AMMECR1: variants seen among roughly 807,000 people sequenced by gnomAD.
AMMECR1 encodes the protein nuclear protein AMMECR1.
In AMMECR1, 3 loss-of-function variants were observed where a neutral mutation model predicts 22.5. The ratio of observed to expected loss-of-function variants is 0.13; its 90% CI spans 0.06 to 0.35. The LOEUF (loss-of-function observed/expected upper bound fraction) is 0.35, where lower values mean the gene tolerates loss of function less well. Among genes scored for constraint, AMMECR1 ranks in the 10% least tolerant of loss-of-function variants. The pLI is 1.00. For synonymous variants in AMMECR1, 130 were observed against 116.7 expected (o/e 1.11, Z -0.74); for missense variants, 235 against 278.7 (o/e 0.84, Z 1.12).
At position 110,438,362 on chromosome X, in the gene AMMECR1, A is replaced by T. The variant is rs1047453561; in HGVS notation, c.-294+1528T>A. Among the ~76,000 whole-genome samples, 4 of 111,893 alleles carry T rather than the reference A, an allele frequency of 3.6e-5. No individual in the cohort carries two copies. The Admixed American group carries it at 3.8e-4, about 11-fold the overall frequency. On this transcript the variant is annotated intron_variant, in intron 1 of 7. Coordinates refer to the AMMECR1 transcript ENST00000372057. ...ACATTCTTAATGCTCCTGGAATGCC[A>T]CAAGGTGGACATAAAATTCAGGCTT... is the stretch of plus-strand genomic sequence containing the variant.
At chrX:110,376,668 A>T (rs752400272) in intron 2 of AMMECR1, among the ~76,000 whole-genome samples, 4 of 112,455 alleles carry the variant, frequency 3.6e-5, no homozygotes, top group Non-Finnish European at 5.6e-5. Context: ...TAATGAAAAG[A>T]ATTAGACAGA....
At chrX:110,261,914 A>T (rs899944313) in intron 2 of AMMECR1, among the ~76,000 whole-genome samples, 2 of 111,095 alleles carry the variant, frequency 1.8e-5, no homozygotes, top group Non-Finnish European at 3.8e-5. Flanking sequence ...GAGTGGGTAA[A>T]TTATTTAAAT....
chrX:110,407,828 C>T (rs1029738532), intron 2 of AMMECR1, among the ~76,000 whole-genome samples: 2 of 112,526 alleles, frequency 1.8e-5, no homozygotes, highest in African/African-American at 6.5e-5. Flanking sequence ...ATAATTCTTT[C>T]CTGTTTCAAT....
intron 2 of AMMECR1, among the ~76,000 whole-genome samples, chrX:110,417,620 C>G (rs2068687295): frequency 9.0e-6 from 1 of 111,714 alleles, no homozygotes; most frequent in South Asian, 3.8e-4. Flanking sequence ...GGAAACAGAG[C>G]CTCAGAGTGG....
At chrX:110,292,777 A>C (rs2067915569) in intron 1 of AMMECR1, among the ~76,000 whole-genome samples, 1 of 112,005 alleles carries the variant, frequency 8.9e-6, no homozygotes, top group African/African-American at 3.2e-5. Context: ...GGGTACATAT[A>C]ATTATACATT....
chrX:110,349,955 A>G (rs993710502), intron 2 of AMMECR1, among the ~76,000 whole-genome samples: 3 of 111,826 alleles, frequency 2.7e-5, no homozygotes, highest in African/African-American at 9.8e-5. Context: ...CATCAAGGAG[A>G]TTAAGGAAAA....
chrX:110,339,418 AAAAAAAAC>A (rs1276910875), intron 2 of AMMECR1, among the ~76,000 whole-genome samples: 1 of 106,801 alleles, frequency 9.4e-6, no homozygotes, highest in East Asian at 2.9e-4. Context: ...AAAAAAAAAA[AAAAAAAAC>A]AAAAAAAGGA....
rs1234174255 is a variant in AMMECR1 at position 110,385,392 on chromosome X, ACAGTT to A, written c.-148+41261_-148+41265del. On this transcript the variant is annotated intron_variant, in intron 2 of 7. Transcript: ENST00000372057. ...CAATAAATTCACCTATTTAAAGTGT[ACAGTT>A]CAGTCATTTTTAGTATTTCACAGAG... 4.5e-5 allele frequency among the ~76,000 whole-genome samples: 5 copies of A among 111,598 alleles called. No homozygotes were observed. In the Admixed American group the frequency reaches 4.7e-4, roughly 11 times the overall value.
intron 2 of AMMECR1, among the ~76,000 whole-genome samples, chrX:110,395,382 C>A (rs1013933263): frequency 8.9e-6 from 1 of 112,099 alleles, no homozygotes; most frequent in African/African-American, 3.3e-5. Context: ...GTTTCCTCTC[C>A]TCTCCCTGAA....
intron 2 of AMMECR1, among the ~76,000 whole-genome samples, chrX:110,404,906 C>T (rs1374633934): frequency 8.9e-6 from 1 of 111,860 alleles, no homozygotes; most frequent in Admixed American, 9.5e-5. Flanking sequence ...AGAAAATACA[C>T]ATAGTAGCAT....
intron 2 of AMMECR1, among the ~76,000 whole-genome samples, chrX:110,330,744 C>T (rs754946382): frequency 2.0e-4 from 22 of 111,509 alleles, no homozygotes; most frequent in African/African-American, 6.5e-4. Flanking sequence ...TGAGATTTGA[C>T]TCCATTCATT....
At chrX:110,217,265 C>G (rs2067478303) in intron 2 of AMMECR1, among the ~76,000 whole-genome samples, 1 of 107,513 alleles carries the variant, frequency 9.3e-6, no homozygotes, top group African/African-American at 3.4e-5. Context: ...GAATTTCAGG[C>G]CCCCAATAAA....
At chrX:110,313,905 G>A (rs911830234) in intron 1 of AMMECR1, among the ~76,000 whole-genome samples, 45 of 111,379 alleles carry the variant, frequency 4.0e-4, no homozygotes, top group African/African-American at 1.2e-3. Flanking sequence ...CATTACAGTC[G>A]CTCAAGTACT....
At chrX:110,255,247 C>T (rs759936794) in intron 2 of AMMECR1, among the ~76,000 whole-genome samples, 5 of 111,771 alleles carry the variant, frequency 4.5e-5, no homozygotes, top group African/African-American at 1.6e-4. Flanking sequence ...GATTCGCCCA[C>T]GTGCTCTGTC....
intron 2 of AMMECR1, among the ~76,000 whole-genome samples, chrX:110,255,242 G>A (rs920804268): frequency 1.3e-4 from 14 of 111,540 alleles, no homozygotes; most frequent in African/African-American, 4.6e-4. Flanking sequence ...GTACTGATTC[G>A]CCCACGTGCT....
intron 1 of AMMECR1, among the ~76,000 whole-genome samples, chrX:110,286,243 A>G (rs777894838): frequency 1.5e-4 from 17 of 111,930 alleles, no homozygotes; most frequent in African/African-American, 5.5e-4. Context: ...ACTATCTGGA[A>G]ATGGTCTGTT....
intron 2 of AMMECR1, among the ~76,000 whole-genome samples, chrX:110,333,586 A>G (rs979385596): frequency 8.9e-6 from 1 of 111,905 alleles, no homozygotes; most frequent in Non-Finnish European, 1.9e-5. Context: ...ATGCCCATCA[A>G]TGATAGACTG....
At chrX:110,427,561 A>G (rs1367849148) in intron 1 of AMMECR1, among the ~76,000 whole-genome samples, 3 of 111,729 alleles carry the variant, frequency 2.7e-5, no homozygotes, top group Admixed American at 9.5e-5. Context: ...AAATGGAGGG[A>G]GCTTTTAAAA....
chrX:110,338,060 A>T (rs2068147752), intron 2 of AMMECR1, among the ~76,000 whole-genome samples: 1 of 111,948 alleles, frequency 8.9e-6, no homozygotes, highest in Admixed American at 9.5e-5. Flanking sequence ...CCAGGGACTG[A>T]GGGAAGGCAA....
Sources: allele counts gnomAD v4.1 joint callset (sites outside exome capture counted in the v4.1 genomes callset), GRCh38; gene constraint gnomAD v4.1.1; transcripts MANE v1.5; gene names NCBI Gene and HGNC (gene_info 2026-07-23, HGNC 2026-07-21).